SYTL5: variants seen among roughly 807,000 people sequenced by gnomAD.
The protein encoded by SYTL5 is synaptotagmin like 5, also known as synaptotagmin-like protein 5.
SYTL5 carries 34 observed loss-of-function variants against 55.9 expected under a neutral mutation model. That is an observed-to-expected ratio of 0.61 (90% confidence interval 0.46 to 0.81). The LOEUF is 0.81. Ranked by LOEUF, SYTL5 falls within the 30% of genes least tolerant of loss-of-function variation. The pLI is 0.00. For missense variants in SYTL5, 637 were observed against 546.7 expected (o/e 1.17, Z -1.65); for synonymous variants, 221 against 188.7 (o/e 1.17, Z -1.40).
At chrX:37,979,865 G>A in the SYTL5 span, among the ~76,000 whole-genome samples, 1 of 107,978 alleles carries the variant, frequency 9.3e-6, no homozygotes, top group African/African-American at 3.4e-5. Context: ...ACAATGTGCA[G>A]GTTTGTTACA....
At chrX:38,028,694 A>T (rs1934858065) in intron 1 of SYTL5, among the ~76,000 whole-genome samples, 1 of 111,750 alleles carries the variant, frequency 8.9e-6, no homozygotes, top group Non-Finnish European at 1.9e-5. Context: ...TTTTCATGAG[A>T]GTCCTGAAAG....
intron 1 of SYTL5, among the ~76,000 whole-genome samples, chrX:38,008,326 T>G (rs905100601): frequency 1.8e-5 from 2 of 111,695 alleles, no homozygotes; most frequent in Non-Finnish European, 3.8e-5. Flanking sequence ...ACATTTTCCA[T>G]GATTTCACAA....
At chrX:38,098,927 C>A (rs754549446) in intron 9 of SYTL5, among the ~76,000 whole-genome samples, 1 of 110,560 alleles carries the variant, frequency 9.0e-6, no homozygotes, top group South Asian at 3.8e-4. Context: ...CATATAATTA[C>A]ATTTATATGA....
At chrX:37,958,902 A>AGAATGATC in the SYTL5 span, among the ~76,000 whole-genome samples, 1 of 112,510 alleles carries the variant, frequency 8.9e-6, no homozygotes, top group Non-Finnish European at 1.9e-5. Flanking sequence ...CTTAAAGCTT[A>AGAATGATC]GAATGATCTT....
chrX:37,924,389 G>A, the SYTL5 span, among the ~76,000 whole-genome samples: 5 of 111,676 alleles, frequency 4.5e-5, no homozygotes, highest in Admixed American at 9.6e-5. Context: ...AGGATTAAAT[G>A]AGATAACATA....
At chrX:37,963,840 T>G in the SYTL5 span, among the ~76,000 whole-genome samples, 3 of 112,048 alleles carry the variant, frequency 2.7e-5, no homozygotes, top group Non-Finnish European at 5.6e-5. Flanking sequence ...TTCAGTTTTT[T>G]ATTATTGAAT....
chrX:37,950,299 C>T, the SYTL5 span, among the ~76,000 whole-genome samples: 1 of 111,302 alleles, frequency 9.0e-6, no homozygotes, highest in Non-Finnish European at 1.9e-5. Flanking sequence ...CAGTATTTCT[C>T]ACTTAGAGGA....
chrX:37,907,567 G>T, the SYTL5 span, among the ~76,000 whole-genome samples: 1 of 111,827 alleles, frequency 8.9e-6, no homozygotes, highest in African/African-American at 3.3e-5. Context: ...TATGATTCTA[G>T]GTTTACATAT....
At chrX:37,947,616 C>T in the SYTL5 span, among the ~76,000 whole-genome samples, 1 of 111,832 alleles carries the variant, frequency 8.9e-6, no homozygotes, top group Non-Finnish European at 1.9e-5. Flanking sequence ...GACTAATACA[C>T]CATCAGAAAA....
chrX:37,934,158 A>G, the SYTL5 span, among the ~76,000 whole-genome samples: 1 of 111,096 alleles, frequency 9.0e-6, no homozygotes. Context: ...TTAAATTACG[A>G]GGCATGCAAA....
chrX:38,072,274 T>C, intron 4 of SYTL5, 112 bp downstream of exon 4: 3 of 517,395 alleles, frequency 5.8e-6, no homozygotes, highest in Non-Finnish European at 9.4e-6. Flanking sequence ...TTGAATCCCT[T>C]AGGGCATTTC....
chrX:37,950,777 T>C, the SYTL5 span, among the ~76,000 whole-genome samples: 1 of 111,670 alleles, frequency 9.0e-6, no homozygotes, highest in Admixed American at 9.6e-5. Flanking sequence ...ATTAAATAAG[T>C]TCTTTTTCTG....
chrX:37,889,649 T>A, the SYTL5 span, among the ~76,000 whole-genome samples: 1 of 111,420 alleles, frequency 9.0e-6, no homozygotes, highest in Non-Finnish European at 1.9e-5. Flanking sequence ...AAAATTTACC[T>A]AATAATAGCC....
chrX:37,999,495 A>G, the SYTL5 span, among the ~76,000 whole-genome samples: 1 of 112,123 alleles, frequency 8.9e-6, no homozygotes. Context: ...CAGGTTACAT[A>G]CCATGGTTGG....
At chrX:38,101,562 G>C (rs187944131) in intron 9 of SYTL5, among the ~76,000 whole-genome samples, 1 of 110,230 alleles carries the variant, frequency 9.1e-6, no homozygotes, top group Non-Finnish European at 1.9e-5. Flanking sequence ...GTGAAAGGAG[G>C]GGAAGGAGGA....
chrX:38,046,727 T>C (rs758366335), intron 2 of SYTL5, among the ~76,000 whole-genome samples: 1 of 111,683 alleles, frequency 9.0e-6, no homozygotes, highest in Admixed American at 9.5e-5. Context: ...AAGTCTGCAG[T>C]CCAAAGTCTC....
Position 38,074,905 on chromosome X carries a change from AACACACAC to A in SYTL5, c.554+1229_554+1236del, listed in dbSNP as rs72169928. 8.8e-3 allele frequency among the ~76,000 whole-genome samples: 903 copies of A among 102,881 alleles called. 9 individuals carry two copies. Among genetic ancestry groups the A allele is most frequent in the African/African-American group, 0.031 (863 of 28,255 alleles). The allele number at this position is 102,881 out of a possible 115,157, so 89.3% of individuals were successfully genotyped here. On this transcript the variant is annotated intron_variant, in intron 5 of 16. Coordinates refer to ENST00000297875, the MANE Select transcript of SYTL5 (RefSeq NM_138780.3). ...TCATATTGCACTCTGACACCCCCTCAACACACACACACACACACACACACACACATGCA... is the reference window on the plus strand; with the variant it reads ...TCATATTGCACTCTGACACCCCCTCAACACACACACACACACACACATGCA...
the SYTL5 span, among the ~76,000 whole-genome samples, chrX:37,992,357 G>A: frequency 1.8e-5 from 2 of 112,995 alleles, no homozygotes; most frequent in African/African-American, 6.4e-5. Context: ...ACAGTCTGCT[G>A]CCTGCTGGCC....
chrX:38,066,992 A>T, intron 3 of SYTL5, among the ~76,000 whole-genome samples: 1 of 111,773 alleles, frequency 8.9e-6, no homozygotes, highest in East Asian at 2.8e-4. Flanking sequence ...GGTGACTGAC[A>T]TGCACTCACT....
Sources: gnomAD v4.1 joint callset for allele counts (sites outside exome capture counted in the v4.1 genomes callset) on GRCh38, gnomAD v4.1.1 for gene constraint, MANE v1.5 for transcripts, NCBI Gene and HGNC (gene_info 2026-07-23, HGNC 2026-07-21) for gene names.